NAV1: variants seen among roughly 807,000 people sequenced by gnomAD.
NAV1 encodes pore membrane and/or filament interacting like protein 3.
NAV1 carries 18 observed loss-of-function variants against 175.2 expected under a neutral mutation model. The ratio of observed to expected loss-of-function variants is 0.10; its 90% confidence interval spans 0.07 to 0.15. The LOEUF (loss-of-function observed/expected upper bound fraction) is 0.15, where lower values mean the gene tolerates loss of function less well. NAV1 is among the 10% of genes least tolerant of loss of function. The pLI, the probability that NAV1 is intolerant of heterozygous loss-of-function variation, is 1.00. For missense variants in NAV1, 1,731 were observed against 2,436.6 expected (o/e 0.71, Z 6.10); for synonymous variants, 897 against 978.7 (o/e 0.92, Z 1.56).
rs1676889811 is a variant in NAV1 at position 201,788,220 on chromosome 1, G to A, written c.2996-248G>A. Among the ~76,000 whole-genome samples the A allele has an allele frequency of 6.6e-6, 1 of 152,148 alleles. No homozygotes were observed. The highest frequency in any genetic ancestry group is 2.4e-5 in the African/African-American group (1 of 41,442). On this transcript the variant is annotated intron_variant, in intron 9 of 29. Coordinates refer to ENST00000367296, the Ensembl canonical transcript of NAV1. This position sits in a 1 kb window ranked among gnomAD's most constrained non-coding sequence, Gnocchi z 5.7. ...TCTGAGGCAGGCAGGGTTGAGGGAAGGTCTTTATTCCAGACAGCAGGGTCC... is the reference window on the plus strand; with the variant it reads ...TCTGAGGCAGGCAGGGTTGAGGGAAAGTCTTTATTCCAGACAGCAGGGTCC...
At chr1:201,566,768 A>G (rs774436748) in intron 1 of NAV1, among the ~76,000 whole-genome samples, 4 of 151,944 alleles carry the variant, frequency 2.6e-5, no homozygotes, top group African/African-American at 4.8e-5. Flanking sequence ...CCACTCCAGA[A>G]GCAAACACTG....
intron 1 of NAV1, among the ~76,000 whole-genome samples, chr1:201,704,899 A>T (rs1671601362): frequency 6.6e-6 from 1 of 152,200 alleles, no homozygotes; most frequent in South Asian, 2.1e-4. Flanking sequence ...ATATTTGTAG[A>T]TAGGGAAACT....
intron 2 of NAV1, among the ~76,000 whole-genome samples, chr1:201,601,833 T>A (rs768956154): frequency 2.6e-5 from 4 of 151,822 alleles, no homozygotes; most frequent in Non-Finnish European, 5.9e-5. Flanking sequence ...TTTAAAAGAG[T>A]TGAACTTGAA....
chr1:201,562,971 A>T (rs1040968070), intron 1 of NAV1, among the ~76,000 whole-genome samples: 1 of 152,174 alleles, frequency 6.6e-6, no homozygotes, highest in Non-Finnish European at 1.5e-5. Context: ...ACGGTGGGTG[A>T]ATCAGTGAGG....
chr1:201,813,321 T>A lies in NAV1; in HGVS notation c.5340+63T>A. On this transcript the variant is annotated intron_variant, in intron 28 of 29. Transcript: ENST00000367296. The surrounding 1 kb of genome is among the most constrained non-coding windows in gnomAD (Gnocchi z 4.2). ...GCTGTCCTACCTAACAAAGTAGGAA[T>A]GTTTCTTTAATGTTAGGCATGGGAC... The A allele has an allele frequency of 3.7e-6, 4 of 1,094,952 alleles. No homozygotes were observed. Among genetic ancestry groups the A allele is most frequent in the Non-Finnish European group, 4.1e-6 (3 of 730,610 alleles). The allele number at this position is 1,094,952 out of a possible 1,614,324, so 67.8% of individuals were successfully genotyped here.
intron 1 of NAV1, among the ~76,000 whole-genome samples, chr1:201,701,283 G>A (rs889679916): frequency 1.5e-4 from 23 of 151,732 alleles, no homozygotes; most frequent in African/African-American, 5.6e-4. Context: ...AGCTGGGGGA[G>A]GGATAGCATT....
At chr1:201,586,045 T>A (rs1190766072) in intron 1 of NAV1, among the ~76,000 whole-genome samples, 1 of 152,196 alleles carries the variant, frequency 6.6e-6, no homozygotes, top group African/African-American at 2.4e-5. Flanking sequence ...TTATTCACCA[T>A]AGCCAAAGGT....
Position 201,648,720 on chromosome 1 carries a change from G to A in NAV1, c.52G>A (p.Gly18Ser), listed in dbSNP as rs757489878. The A allele has an allele frequency of 9.2e-6, 13 of 1,411,386 alleles. No individual in the cohort carries two copies. Among genetic ancestry groups the A allele is most frequent in the South Asian group, 4.7e-5 (3 of 63,726 alleles). 87.4% of individuals were successfully genotyped at this position (1,411,386 alleles called of 1,614,324 possible). A position where few individuals can be genotyped will look rare whatever the true frequency, so the allele number is the denominator to read the frequency against. Residue 18 changes from glycine (G) to serine (S), a missense_variant, in exon 1 of 30, where the codon GGC becomes AGC. By Grantham distance (56) the Gly-to-Ser change is moderately conservative (BLOSUM62 0). Coordinates refer to ENST00000367296, the Ensembl canonical transcript of NAV1. ...GCAGCCCGAGGTGGAGCTGAGCAGC[G>A]GCGGCGGCGACGAGGGCGCGGACGA...
At chr1:201,798,667 G>T (rs2102770196) in intron 15 of NAV1, 1 of 134,714 alleles carries the variant, frequency 7.4e-6, no homozygotes. Context: ...GATATTACAT[G>T]AAAAGAATTA....
chr1:201,783,734 A>G (rs1318855610), exon 7 of NAV1: 2 of 1,614,008 alleles, frequency 1.2e-6, no homozygotes, highest in African/African-American at 1.3e-5. Context: ...GAGCCTCCCC[A>G]GTGCCTTCCC....
At chr1:201,811,430 G>A (rs570065545) in intron 24 of NAV1, among the ~76,000 whole-genome samples, 173 bp from the exon 29 acceptor site, 9 of 152,236 alleles carry the variant, frequency 5.9e-5, no homozygotes, top group East Asian at 1.9e-4. Context: ...TTGCTTTAGA[G>A]CCTTTGCAAC....
At chr1:201,751,707 G>A (rs1237378481) in intron 3 of NAV1, among the ~76,000 whole-genome samples, 1 of 152,194 alleles carries the variant, frequency 6.6e-6, no homozygotes, top group Non-Finnish European at 1.5e-5. Flanking sequence ...GGCATTTACA[G>A]GTTAAGGTTT....
At chr1:201,540,114 G>T (rs1665464746) in intron 1 of NAV1, among the ~76,000 whole-genome samples, 1 of 152,236 alleles carries the variant, frequency 6.6e-6, no homozygotes, top group Non-Finnish European at 1.5e-5. Context: ...TTTGCAGCGG[G>T]CAGAGGGGAG....
intron 1 of NAV1, among the ~76,000 whole-genome samples, chr1:201,685,493 G>A (rs190469296): frequency 3.2e-4 from 48 of 152,254 alleles, no homozygotes; most frequent in African/African-American, 1.1e-3. Flanking sequence ...TCATTGAGAA[G>A]GTGTCCATTA....
At chr1:201,712,444 A>G (rs1395469172) in intron 1 of NAV1, among the ~76,000 whole-genome samples, 1 of 152,224 alleles carries the variant, frequency 6.6e-6, no homozygotes, top group African/African-American at 2.4e-5. Flanking sequence ...AGGGGGTTTC[A>G]GGCAGATGTT....
chr1:201,789,556 C>T lies in NAV1; in HGVS notation c.3167-184C>T, dbSNP rs116094959. Among the ~76,000 whole-genome samples the T allele has an allele frequency of 7.6e-3, 1,162 of 152,264 alleles. 12 individuals carry two copies. Among genetic ancestry groups the T allele is most frequent in the African/African-American group, 0.026 (1,088 of 41,550 alleles). On this transcript the variant is annotated intron_variant, in intron 10 of 29. Coordinates refer to ENST00000367296, the Ensembl canonical transcript of NAV1. ...AGAGAATGTAGGCTGAAAGAGGAGG[C>T]TAGCTTGACTCAAGACCTTGCTTTG...
At chr1:201,557,213 G>C (rs984423384) in intron 1 of NAV1, among the ~76,000 whole-genome samples, 1 of 152,222 alleles carries the variant, frequency 6.6e-6, no homozygotes, top group African/African-American at 2.4e-5. Context: ...ATTAGTACCT[G>C]AGGCAGGAGC....
At position 201,812,735 on chromosome 1, in the gene NAV1, C is replaced by T. The variant is rs1678768834; in HGVS notation, c.5221+74C>T. On this transcript the variant is annotated intron_variant, in intron 27 of 29. Coordinates refer to ENST00000367296, the Ensembl canonical transcript of NAV1. This position sits in a 1 kb window ranked among gnomAD's most constrained non-coding sequence, Gnocchi z 4.6. Reference sequence around the variant, plus strand: ...CCACTGTACCACCTGGAGGGATGCTCCCTTCTCTTCCTGGAGTCTTCGGCA... The same window carrying T: ...CCACTGTACCACCTGGAGGGATGCTTCCTTCTCTTCCTGGAGTCTTCGGCA... The T allele has an allele frequency of 7.5e-7, 1 of 1,338,054 alleles. No homozygotes were observed. 82.9% of individuals were successfully genotyped at this position (1,338,054 alleles called of 1,614,324 possible).
At chr1:201,622,502 T>A (rs1192270104), upstream of NAV1, among the ~76,000 whole-genome samples, 1 of 152,088 alleles carries the variant, frequency 6.6e-6, no homozygotes, top group Admixed American at 6.5e-5. Context: ...AGGAAAGGCC[T>A]GAGGGGGAGG....
Sources: gnomAD v4.1 joint callset for allele counts (sites outside exome capture counted in the v4.1 genomes callset) on GRCh38, gnomAD v4.1.1 for gene constraint, Gnocchi (gnomAD v3.1) non-coding constraint, MANE v1.5 for transcripts, NCBI Gene and HGNC (gene_info 2026-07-23, HGNC 2026-07-21) for gene names.